Variants in EFR3B observed in about 807,000 individuals in gnomAD.
EFR3B encodes EFR3 homolog B.
Under a neutral mutation model 104.7 loss-of-function variants are expected in EFR3B, and 64 were observed. That is an observed-to-expected ratio of 0.61 (90% CI 0.50 to 0.75). The LOEUF is 0.75. Among genes scored for constraint, EFR3B ranks in the 30% least tolerant of loss-of-function variants. The pLI, the probability that EFR3B is intolerant of heterozygous loss-of-function variation, is 0.00. For missense variants in EFR3B, 750 were observed against 1,078.5 expected (o/e 0.70, Z 4.27); for synonymous variants, 385 against 417.9 (o/e 0.92, Z 0.96).
In EFR3B at chr2:25,145,066, C is replaced by T; in HGVS notation, c.2142+15C>T. ...AGAAGGAGGAGGTGAGTGTCCGTGCCACCGTCCTGGGGCAGCCCCACCTCC... is the reference window on the plus strand; with the variant it reads ...AGAAGGAGGAGGTGAGTGTCCGTGCTACCGTCCTGGGGCAGCCCCACCTCC... On this transcript the variant is annotated intron_variant, in intron 19 of 22. Coordinates refer to ENST00000403714, the MANE Select transcript of EFR3B (RefSeq NM_014971.2). The T allele has an allele frequency of 6.4e-7, 1 of 1,551,280 alleles. No homozygotes were observed. The highest frequency in any genetic ancestry group is 1.4e-5 in the African/African-American group (1 of 73,158).
Position 25,042,296 on chromosome 2 carries a change from G to A in EFR3B, c.-17G>A. The A allele has an allele frequency of 7.7e-7, 1 of 1,293,336 alleles. No homozygotes were observed. The highest frequency in any genetic ancestry group is 9.8e-7 in the Non-Finnish European group (1 of 1,023,094). The allele number at this position is 1,293,336 out of a possible 1,614,324, so 80.1% of individuals were successfully genotyped here. On this transcript the variant is annotated 5_prime_UTR_variant, in exon 1 of 23. Coordinates refer to ENST00000403714, the MANE Select transcript of EFR3B (RefSeq NM_014971.2). This position sits in a 1 kb window ranked among gnomAD's most constrained non-coding sequence, Gnocchi z 5.4. ...CGCAGCGACGCCGGCCTCTCGAGAG[G>A]CGCGCGCCCCGCCGAGATGTACGGT...
intron 3 of EFR3B, among the ~76,000 whole-genome samples, chr2:25,095,804 G>A (rs368898262): frequency 1.3e-5 from 2 of 152,086 alleles, no homozygotes; most frequent in Admixed American, 6.6e-5. Flanking sequence ...TTTTTTCTAC[G>A]TTTTTCCTAA....
chr2:25,144,961 T>G lies in EFR3B; in HGVS notation c.2052T>G (p.Asp684Glu). The G allele has an allele frequency of 6.4e-7, 1 of 1,551,686 alleles. No individual in the cohort carries two copies. The highest frequency in any genetic ancestry group is 8.7e-7 in the Non-Finnish European group (1 of 1,146,976). Residue 684 changes from aspartate to glutamate, a missense_variant and splice_region_variant, in exon 19 of 23, where the codon GAT becomes GAG. Asp to Glu is a conservative substitution (Grantham distance 45). Coordinates refer to ENST00000403714, the MANE Select transcript of EFR3B (RefSeq NM_014971.2). ...GCCTCTGGGCTGCTTCTTCCCCAGA[T>G]GAGGATCGTTTATCCAAGAGGAGGA... ...LCLPYIPQLT[D>E]EDRLSKRRSI...
At chr2:25,070,613 T>A (rs1306647388) in intron 1 of EFR3B, among the ~76,000 whole-genome samples, 1 of 152,168 alleles carries the variant, frequency 6.6e-6, no homozygotes, top group African/African-American at 2.4e-5. Flanking sequence ...TGATGGCTGA[T>A]AAGAAAATGA....
chr2:25,051,637 G>GTTT (rs1553383963), intron 1 of EFR3B, among the ~76,000 whole-genome samples: 8 of 136,740 alleles, frequency 5.9e-5, no homozygotes, highest in African/African-American at 1.9e-4. Context: ...GTGTGTGTGT[G>GTTT]TTTTTTTTTT....
At chr2:25,087,685 C>T (rs1392099708) in intron 1 of EFR3B, among the ~76,000 whole-genome samples, 1 of 152,126 alleles carries the variant, frequency 6.6e-6, no homozygotes, top group Non-Finnish European at 1.5e-5. Flanking sequence ...GTTGGCCAGG[C>T]TGGTCTCGAA....
chr2:25,127,871 C>T (rs1670210522), intron 5 of EFR3B, among the ~76,000 whole-genome samples: 1 of 152,156 alleles, frequency 6.6e-6, no homozygotes, highest in Admixed American at 6.6e-5. Flanking sequence ...CATCTTGGGC[C>T]CAAGCTGGAA....
chr2:25,151,445 G>A (rs1452308005), intron 20 of EFR3B, among the ~76,000 whole-genome samples: 2 of 151,492 alleles, frequency 1.3e-5, no homozygotes, highest in East Asian at 1.9e-4. Context: ...TAGTAGAGAG[G>A]GGGTTTCACC....
rs1670293677 is a variant in EFR3B, at chr2:25,130,300, C to A, written c.770+191C>A. ...GCTGCCACAGGGTGGCCAACTGCTG[C>A]CAGTAGGAAGGCACCCAACGCTAAG... is the stretch of plus-strand genomic sequence containing the variant. On this transcript the variant is annotated intron_variant, in intron 7 of 22. Coordinates refer to ENST00000403714, the MANE Select transcript of EFR3B (RefSeq NM_014971.2). This position sits in a 1 kb window ranked among gnomAD's most constrained non-coding sequence, Gnocchi z 4.6. Among the ~76,000 whole-genome samples, 1 of 152,216 alleles carries A rather than the reference C, an allele frequency of 6.6e-6. No homozygotes were observed. The highest frequency in any genetic ancestry group is 1.5e-5 in the Non-Finnish European group (1 of 68,032).
chr2:25,121,867 C>T lies in EFR3B; in HGVS notation c.485+73C>T, dbSNP rs1573218022. 6 of 1,539,834 alleles carry T rather than the reference C, an allele frequency of 3.9e-6. No individual in the cohort carries two copies. The East Asian group carries it at 1.5e-4, about 38-fold the overall frequency. On this transcript the variant is annotated intron_variant, in intron 5 of 22. Transcript: ENST00000403714. ...AACGGTGGGTCCTGTAGATAACTTC[C>T]AACCTGCCATTGCGTGTCTGCTTTT...
intron 1 of EFR3B, among the ~76,000 whole-genome samples, chr2:25,059,490 G>A (rs1668119725): frequency 6.9e-6 from 1 of 145,416 alleles, no homozygotes; most frequent in Non-Finnish European, 1.5e-5. Flanking sequence ...AGGACAAGTA[G>A]TATATGATTC....
chr2:25,105,663 G>C (rs1282307871), intron 4 of EFR3B, among the ~76,000 whole-genome samples: 1 of 152,170 alleles, frequency 6.6e-6, no homozygotes, highest in African/African-American at 2.4e-5. Context: ...AGTTGCTCTG[G>C]CAACAGCTTC....
rs567247280 is a variant in EFR3B, at chr2:25,154,160, C to T, written c.2349-75C>T. The T allele has an allele frequency of 4.3e-5, 59 of 1,366,262 alleles. No individual in the cohort carries two copies. In the Admixed American group the frequency reaches 7.7e-4, roughly 18 times the overall value. 84.6% of individuals were successfully genotyped at this position (1,366,262 alleles called of 1,614,324 possible). On this transcript the variant is annotated intron_variant, in intron 22 of 22. Transcript: ENST00000403714. This position sits in a 1 kb window ranked among gnomAD's most constrained non-coding sequence, Gnocchi z 4.1. ...CAAAAAGAAACCCAAGTCACCTACT[C>T]TGTTTGGTTGCACAAGGGTGGGATC...
chr2:25,148,025 CAAA>C (rs58788213), intron 19 of EFR3B: 14 of 71,632 alleles, frequency 2.0e-4, no homozygotes, highest in South Asian at 5.3e-4. Context: ...AACTCCATCT[CAAA>C]AAAAAAAAAA....
chr2:25,099,953 A>G (rs1279100950), intron 3 of EFR3B, among the ~76,000 whole-genome samples: 4 of 152,018 alleles, frequency 2.6e-5, no homozygotes, highest in Non-Finnish European at 5.9e-5. Flanking sequence ...CTGTAACCCG[A>G]GCAATTTGGG....
At chr2:25,107,654 C>T (rs1669602907) in intron 4 of EFR3B, among the ~76,000 whole-genome samples, 1 of 152,050 alleles carries the variant, frequency 6.6e-6, no homozygotes, top group African/African-American at 2.4e-5. Context: ...CATATCCCTC[C>T]CTTGCTTCCC....
At position 25,136,619 on chromosome 2, in the gene EFR3B, G is replaced by A. The variant is rs1044632342; in HGVS notation, c.1560+21G>A. ...AGAAGGTAAACAAGCATGACCTCCA[G>A]GCACAGTGAAGGGCGGGCACGGTGG... On this transcript the variant is annotated intron_variant, in intron 14 of 22. Transcript: ENST00000403714. This position sits in a 1 kb window ranked among gnomAD's most constrained non-coding sequence, Gnocchi z 4.0. The A allele has an allele frequency of 3.9e-6, 6 of 1,549,230 alleles. No individual in the cohort carries two copies. The highest frequency in any genetic ancestry group is 5.2e-6 in the Non-Finnish European group (6 of 1,145,314).
intron 1 of EFR3B, chr2:25,080,127 T>C: frequency 9.3e-7 from 1 of 1,080,918 alleles, no homozygotes; most frequent in Non-Finnish European, 1.4e-6. Flanking sequence ...CTATACCCTG[T>C]GCAATAACAT....
Position 25,103,435 on chromosome 2 carries a change from C to G in EFR3B, c.213-202C>G, listed in dbSNP as rs117629534. 6.2e-4 allele frequency among the ~76,000 whole-genome samples: 94 copies of G among 152,350 alleles called. No homozygotes were observed. The East Asian group carries it at 0.017, about 27-fold the overall frequency. On this transcript the variant is annotated intron_variant, in intron 3 of 22. Transcript: ENST00000403714. ...GATGAGTTGGTCTCTAGGCTTCCTT[C>G]CAGCCCTAATTCATTCTGACTCAGT...
Sources: allele counts gnomAD v4.1 joint callset (sites outside exome capture counted in the v4.1 genomes callset), GRCh38; gene constraint gnomAD v4.1.1; non-coding constraint Gnocchi (gnomAD v3.1); transcripts MANE v1.5; gene names NCBI Gene and HGNC (gene_info 2026-07-23, HGNC 2026-07-21).